Variants in TRHDE observed in about 807,000 individuals in gnomAD.
The protein encoded by TRHDE is thyrotropin-releasing hormone-degrading ectoenzyme.
A neutral mutation model predicts 125.7 loss-of-function variants in TRHDE; 72 were observed. The observed-to-expected ratio is 0.57, with a 90% confidence interval of 0.47 to 0.70. The LOEUF (loss-of-function observed/expected upper bound fraction) is 0.70. Among genes scored for constraint, TRHDE ranks in the 30% least tolerant of loss-of-function variants. TRHDE has a pLI of 0.00. For synonymous variants in TRHDE, 509 were observed against 509.1 expected, an observed-to-expected ratio of 1.00 and a Z score of 0.00; for missense variants, 1,110 against 1,327.1, an observed-to-expected ratio of 0.84 and a Z score of 2.54.
intron 7 of TRHDE, among the ~76,000 whole-genome samples, chr12:72,546,963 G>T (rs1175039014): frequency 1.3e-5 from 2 of 151,482 alleles, no homozygotes; most frequent in Non-Finnish European, 3.0e-5. Flanking sequence ...TTTTCATTTT[G>T]CAGAACATAA....
intron 2 of TRHDE, among the ~76,000 whole-genome samples, chr12:72,119,267 T>C (rs191672220): frequency 6.6e-6 from 1 of 152,306 alleles, no homozygotes; most frequent in Admixed American, 6.5e-5. Flanking sequence ...AAGAAATTTT[T>C]CAATTTCCTT....
chr12:72,568,300 C>T (rs1224727613), intron 9 of TRHDE, among the ~76,000 whole-genome samples: 5 of 151,924 alleles, frequency 3.3e-5, no homozygotes, highest in Non-Finnish European at 7.4e-5. Context: ...ATTCAAAATG[C>T]GAATCTTTTT....
intron 2 of TRHDE, among the ~76,000 whole-genome samples, chr12:72,154,664 G>T (rs893024306): frequency 1.3e-5 from 2 of 152,126 alleles, no homozygotes; most frequent in Admixed American, 6.5e-5. Flanking sequence ...GCTTAGTTTG[G>T]CTGGATATGA....
chr12:72,388,303 T>G (rs1229003363), intron 3 of TRHDE, among the ~76,000 whole-genome samples: 1 of 152,214 alleles, frequency 6.6e-6, no homozygotes, highest in Non-Finnish European at 1.5e-5. Context: ...CTCCATGGTA[T>G]TTTTTAATTA....
At chr12:72,562,523 A>G (rs1184365374) in intron 8 of TRHDE, among the ~76,000 whole-genome samples, 1 of 152,028 alleles carries the variant, frequency 6.6e-6, no homozygotes, top group African/African-American at 2.4e-5. Context: ...TGAAGTTTTA[A>G]ATAATTTTTT....
chr12:72,153,931 GT>G (rs1307191569), intron 2 of TRHDE, among the ~76,000 whole-genome samples: 1 of 152,182 alleles, frequency 6.6e-6, no homozygotes, highest in Non-Finnish European at 1.5e-5. Flanking sequence ...GCAGAGCTGA[GT>G]TCAGTTCCTG....
chr12:72,339,831 TCTC>T (rs560632994), intron 2 of TRHDE, among the ~76,000 whole-genome samples: 213 of 152,176 alleles, frequency 1.4e-3, no homozygotes, highest in African/African-American at 4.8e-3. Context: ...ATAGTTGAGT[TCTC>T]CACTGGAAAT....
In TRHDE at chr12:72,622,028, G is replaced by T. The variant is rs551244612; in HGVS notation, c.2675+277G>T. Among the ~76,000 whole-genome samples, 17 of 152,002 alleles carry T rather than the reference G, an allele frequency of 1.1e-4. 1 individual carries two copies. The East Asian group carries it at 2.9e-3, about 26-fold the overall frequency. ...TGTCACCTTATTTCAAGTTTTGAAA[G>T]CTCTGCTATCTCATAAGAACAAAAT... On this transcript the variant is annotated intron_variant, in intron 15 of 18. Coordinates refer to ENST00000261180, the MANE Select transcript of TRHDE (RefSeq NM_013381.3).
At chr12:72,480,661 T>C (rs1877126808) in intron 5 of TRHDE, among the ~76,000 whole-genome samples, 1 of 152,138 alleles carries the variant, frequency 6.6e-6, no homozygotes, top group African/African-American at 2.4e-5. Flanking sequence ...AAGAAAACAC[T>C]TACTAAACCT....
chr12:72,269,240 AT>A (rs1879138327), upstream of TRHDE, among the ~76,000 whole-genome samples: 1 of 152,174 alleles, frequency 6.6e-6, no homozygotes, highest in Non-Finnish European at 1.5e-5. Flanking sequence ...AATTAAAAAA[AT>A]AAAACTCACT....
intron 12 of TRHDE, among the ~76,000 whole-genome samples, chr12:72,599,180 A>C (rs1872104220): frequency 1.3e-5 from 2 of 152,102 alleles, no homozygotes; most frequent in Non-Finnish European, 2.9e-5. Flanking sequence ...TAGTGCTGCA[A>C]CAAACATAAA....
At chr12:72,528,178 C>A (rs1868374628) in intron 6 of TRHDE, among the ~76,000 whole-genome samples, 1 of 152,112 alleles carries the variant, frequency 6.6e-6, no homozygotes, top group South Asian at 2.1e-4. Flanking sequence ...TGTAATAATT[C>A]TGTTAAGTAT....
At chr12:72,331,436 GTATCTTGAC>G (rs1869593679) in intron 2 of TRHDE, among the ~76,000 whole-genome samples, 1 of 67,608 alleles carries the variant, frequency 1.5e-5, no homozygotes, top group African/African-American at 4.1e-5. Context: ...TCAGTTAATT[GTATCTTGAC>G]AGAAAGACAT....
intron 2 of TRHDE, among the ~76,000 whole-genome samples, chr12:72,181,824 G>A (rs925677849): frequency 2.0e-5 from 3 of 152,030 alleles, no homozygotes; most frequent in African/African-American, 7.2e-5. Flanking sequence ...CAAGGAAGTT[G>A]ATCAATTTTG....
At position 72,116,776 on chromosome 12, in the gene TRHDE, C is replaced by T. The variant is rs1053801926; in HGVS notation, n.279+11024C>T. Among the ~76,000 whole-genome samples the T allele has an allele frequency of 3.3e-5, 5 of 151,826 alleles. No homozygotes were observed. The South Asian group carries it at 1.0e-3, about 31-fold the overall frequency. On this transcript the variant is annotated intron_variant and non_coding_transcript_variant, in intron 2 of 4. Transcript: ENST00000548156. Reference sequence around the variant, plus strand: ...TTTTGCCAACATTTTTTCCCATTCTCTAGGTTGCCTGTTCACTCTGATGAT... The same window carrying T: ...TTTTGCCAACATTTTTTCCCATTCTTTAGGTTGCCTGTTCACTCTGATGAT...
At chr12:72,400,762 T>C (rs907191719) in intron 3 of TRHDE, among the ~76,000 whole-genome samples, 1 of 152,158 alleles carries the variant, frequency 6.6e-6, no homozygotes, top group African/African-American at 2.4e-5. Context: ...AAAAAGTTTG[T>C]CTTAATTAGA....
At position 72,273,856 on chromosome 12, in the gene TRHDE, C is replaced by A. The variant is rs921277834; in HGVS notation, c.914+299C>A. 1.6e-5 allele frequency: 6 copies of A among 364,892 alleles called. No homozygotes were observed. Among genetic ancestry groups the A allele is most frequent in the Non-Finnish European group, 3.0e-5 (6 of 200,952 alleles). 22.6% of individuals were successfully genotyped at this position (364,892 alleles called of 1,614,324 possible). On this transcript the variant is annotated intron_variant, in intron 1 of 18. Coordinates refer to ENST00000261180, the MANE Select transcript of TRHDE (RefSeq NM_013381.3). The surrounding 1 kb of genome is among the most constrained non-coding windows in gnomAD (Gnocchi z 5.3). ...GTTCCTTAGCCATCGAAACGCAGGG[C>A]TCTTTTTCTGAAGGGTAGCTGATAA...
intron 6 of TRHDE, among the ~76,000 whole-genome samples, chr12:72,535,402 C>G (rs1181684338): frequency 1.3e-5 from 2 of 151,948 alleles, no homozygotes; most frequent in Non-Finnish European, 2.9e-5. Context: ...CTCTAGGAGA[C>G]AGTGAAATAA....
chr12:72,300,365 T>TACACACACAC (rs10642447), intron 2 of TRHDE, among the ~76,000 whole-genome samples: 6 of 102,670 alleles, frequency 5.8e-5, no homozygotes, highest in African/African-American at 2.1e-4. Flanking sequence ...TATATGTGTA[T>TACACACACAC]ACACACACAC....
Sources: allele counts gnomAD v4.1 joint callset (sites outside exome capture counted in the v4.1 genomes callset), GRCh38; gene constraint gnomAD v4.1.1; non-coding constraint Gnocchi (gnomAD v3.1); transcripts MANE v1.5; gene names NCBI Gene and HGNC (gene_info 2026-07-23, HGNC 2026-07-21).